Variants in COL25A1 observed in about 807,000 individuals in gnomAD.
COL25A1 encodes collagen alpha-1(XXV) chain.
Under a neutral mutation model 128.4 loss-of-function variants are expected in COL25A1, and 103 were observed. The observed-to-expected ratio is 0.80, with a 90% confidence interval of 0.68 to 0.94. The LOEUF is 0.94. COL25A1 is among the 40% of genes least tolerant of loss of function. The pLI is 0.00. For missense variants in COL25A1, 745 were observed against 840.0 expected, an observed-to-expected ratio of 0.89 and a Z score of 1.40; for synonymous variants, 279 against 277.2, an observed-to-expected ratio of 1.01 and a Z score of -0.06.
At chr4:109,004,177 AT>A (rs1755741110) in intron 6 of COL25A1, among the ~76,000 whole-genome samples, 1 of 152,072 alleles carries the variant, frequency 6.6e-6, no homozygotes, top group Non-Finnish European at 1.5e-5. Context: ...CTCCTTTCTT[AT>A]TTAATTTCAT....
At chr4:109,239,394 G>GTGTA (rs1491198097) in intron 3 of COL25A1, among the ~76,000 whole-genome samples, 2 of 116,550 alleles carry the variant, frequency 1.7e-5, no homozygotes, top group East Asian at 2.4e-4. Flanking sequence ...GTGTGTGTGT[G>GTGTA]TATATATATA....
At chr4:108,851,664 T>A (rs1735792088) in intron 26 of COL25A1, among the ~76,000 whole-genome samples, 1 of 152,188 alleles carries the variant, frequency 6.6e-6, no homozygotes, top group Admixed American at 6.5e-5. Flanking sequence ...TCAACAAAGT[T>A]TAGATATAAA....
intron 3 of COL25A1, among the ~76,000 whole-genome samples, chr4:109,152,510 T>G (rs969585859): frequency 6.6e-6 from 1 of 152,210 alleles, no homozygotes; most frequent in African/African-American, 2.4e-5. Flanking sequence ...TACATTTAAT[T>G]GTCATATAGT....
At chr4:108,901,858 ACT>A (rs1742890049) in intron 13 of COL25A1, among the ~76,000 whole-genome samples, 1 of 151,996 alleles carries the variant, frequency 6.6e-6, no homozygotes, top group African/African-American at 2.4e-5. Context: ...GTCTTTCAAG[ACT>A]CTGAACCAGC....
At chr4:108,932,541 G>A (rs530527121) in intron 11 of COL25A1, among the ~76,000 whole-genome samples, 1 of 152,094 alleles carries the variant, frequency 6.6e-6, no homozygotes, top group South Asian at 2.1e-4. Flanking sequence ...AAATGAATAC[G>A]TTATGGAGTT....
intron 3 of COL25A1, among the ~76,000 whole-genome samples, chr4:109,156,173 T>C (rs1370596869): frequency 1.3e-5 from 2 of 152,168 alleles, no homozygotes; most frequent in African/African-American, 4.8e-5. Context: ...ACATGGTGCT[T>C]TGGGACAAGT....
chr4:109,015,474 A>T (rs1198997370), intron 5 of COL25A1, among the ~76,000 whole-genome samples: 4 of 152,224 alleles, frequency 2.6e-5, no homozygotes, highest in Non-Finnish European at 5.9e-5. Flanking sequence ...TTCATAAATA[A>T]AAACCTGAAT....
intron 8 of COL25A1, among the ~76,000 whole-genome samples, chr4:108,958,532 T>A (rs555257750): frequency 1.5e-4 from 23 of 151,868 alleles, no homozygotes; most frequent in Middle Eastern, 3.4e-3. Flanking sequence ...AACATTTTTT[T>A]AAAAAAAACC....
chr4:108,824,180 T>C lies in COL25A1; in HGVS notation c.1839A>G (p.Gly613=). Residue 613 remains glycine (G), a synonymous_variant, in exon 35 of 38, where the codon GGA becomes GGG. Coordinates refer to ENST00000399132, the MANE Select transcript of COL25A1 (RefSeq NM_198721.4). ...RGEKGDLGEK[G]EKGFRGVKGE... is the part of the protein sequence containing the mutation. ...GCTGGGATGGAGAGGTCACCTTTTCTCCCTTTTCTCCTAGATCACCCTTCT... is the reference window on the plus strand; with the variant it reads ...GCTGGGATGGAGAGGTCACCTTTTCCCCCTTTTCTCCTAGATCACCCTTCT... The C allele has an allele frequency of 1.2e-6, 2 of 1,613,604 alleles. No homozygotes were observed. The highest frequency in any genetic ancestry group is 1.7e-6 in the Non-Finnish European group (2 of 1,179,838).
At chr4:109,241,107 G>A (rs79417868) in intron 3 of COL25A1, among the ~76,000 whole-genome samples, 3,390 of 152,046 alleles carry the variant, frequency 0.022, 103 homozygotes, top group African/African-American at 0.069. Flanking sequence ...ATCAGTAGAA[G>A]AACACAGAAA....
At chr4:109,200,236 G>A (rs1265045320) in intron 3 of COL25A1, among the ~76,000 whole-genome samples, 1 of 152,178 alleles carries the variant, frequency 6.6e-6, no homozygotes, top group East Asian at 1.9e-4. Flanking sequence ...CACTGCTGGT[G>A]AGACACTTCC....
chr4:109,098,497 G>A (rs987301318), intron 3 of COL25A1, among the ~76,000 whole-genome samples: 7 of 151,878 alleles, frequency 4.6e-5, no homozygotes, highest in African/African-American at 1.5e-4. Flanking sequence ...ATATCTGCCT[G>A]TGTTGTAGAT....
chr4:108,862,153 T>C (rs1737304059), intron 22 of COL25A1, among the ~76,000 whole-genome samples: 1 of 152,200 alleles, frequency 6.6e-6, no homozygotes, highest in African/African-American at 2.4e-5. Flanking sequence ...AATTCGAGCA[T>C]TTATCACAAA....
At chr4:108,912,154 A>G (rs1211428535) in intron 13 of COL25A1, among the ~76,000 whole-genome samples, 1 of 152,158 alleles carries the variant, frequency 6.6e-6, no homozygotes, top group Admixed American at 6.5e-5. Flanking sequence ...TTAAGAGTAG[A>G]GTAGCCTTGT....
intron 34 of COL25A1, 73 bp from the exon 35 acceptor site, chr4:108,824,300 T>C: frequency 9.4e-7 from 1 of 1,060,806 alleles, no homozygotes; most frequent in East Asian, 2.4e-5. Flanking sequence ...ACAAATATTT[T>C]AGGATTTTAC....
intron 5 of COL25A1, among the ~76,000 whole-genome samples, chr4:109,035,253 G>A (rs1351307808): frequency 6.6e-6 from 1 of 152,118 alleles, no homozygotes. Context: ...GTAAACCATC[G>A]ATTAACTGTT....
chr4:108,913,316 G>C (rs1347542849), intron 13 of COL25A1, among the ~76,000 whole-genome samples: 1 of 123,136 alleles, frequency 8.1e-6, no homozygotes, highest in African/African-American at 2.7e-5. Context: ...GCCCAGGCTG[G>C]AGTGAAATGG....
At chr4:109,253,814 G>A (rs1428670755) in intron 3 of COL25A1, among the ~76,000 whole-genome samples, 8 of 152,092 alleles carry the variant, frequency 5.3e-5, no homozygotes, top group East Asian at 3.9e-4. Flanking sequence ...TAGGCCGGGC[G>A]CAGTGGCTCA....
chr4:109,297,862 C>CTTTTTTTTTTTTTTTT (rs35099153), intron 3 of COL25A1, among the ~76,000 whole-genome samples: 4 of 63,832 alleles, frequency 6.3e-5, no homozygotes, highest in East Asian at 5.2e-4. Flanking sequence ...TTTTCCTTTT[C>CTTTTTTTTTTTTTTTT]TTTTTTTTTT....
Sources: gnomAD v4.1 joint callset for allele counts (sites outside exome capture counted in the v4.1 genomes callset) on GRCh38, gnomAD v4.1.1 for gene constraint, MANE v1.5 for transcripts, NCBI Gene and HGNC (gene_info 2026-07-23, HGNC 2026-07-21) for gene names.